CFAP43: variants seen among roughly 807,000 people sequenced by gnomAD.
The protein encoded by CFAP43 is cilia- and flagella-associated protein 43.
Under a neutral mutation model 218.9 loss-of-function variants are expected in CFAP43, and 155 were observed. That is an observed-to-expected ratio of 0.71 (90% CI 0.62 to 0.81). CFAP43 has a LOEUF of 0.81. CFAP43 is among the 30% of genes least tolerant of loss of function. The pLI is 0.00. For synonymous variants in CFAP43, 645 were observed against 681.3 expected (o/e 0.95, Z 0.83); for missense variants, 1,778 against 1,954.3 (o/e 0.91, Z 1.70).
At chr10:104,147,821 G>A (rs372709540) in intron 29 of CFAP43, 70 bp downstream of exon 29, 2 of 1,077,222 alleles carry the variant, frequency 1.9e-6, no homozygotes, top group South Asian at 3.3e-5. Context: ...CTAGACACGT[G>A]AGCTCTTGCT....
At chr10:104,216,600 C>G (rs577541683) in intron 3 of CFAP43, among the ~76,000 whole-genome samples, 1 of 152,142 alleles carries the variant, frequency 6.6e-6, no homozygotes, top group Non-Finnish European at 1.5e-5. Flanking sequence ...AAGCTTCAAT[C>G]GATGGGATAC....
rs920565978 is a variant in CFAP43, at chr10:104,162,905, T to C, written c.3247-502A>G. On this transcript the variant is annotated intron_variant, in intron 24 of 37. Coordinates refer to ENST00000357060, the MANE Select transcript of CFAP43 (RefSeq NM_025145.7). ...CAAGGGGTGAGGCAGAGAAGGGACA[T>C]AGTAAGTTTGGCTTGCAGCAAGAGC... is the stretch of plus-strand genomic sequence containing the variant. Among the ~76,000 whole-genome samples the C allele has an allele frequency of 6.6e-5, 10 of 151,884 alleles. No homozygotes were observed. The East Asian group carries it at 1.2e-3, about 18-fold the overall frequency.
chr10:104,144,029 T>G (rs1346431966), intron 31 of CFAP43, among the ~76,000 whole-genome samples: 1 of 152,152 alleles, frequency 6.6e-6, no homozygotes, highest in Non-Finnish European at 1.5e-5. Flanking sequence ...TTATCTACAT[T>G]AATAGATTAG....
chr10:104,193,909 C>T lies in CFAP43; in HGVS notation c.1399G>A (p.Val467Met), dbSNP rs112822128. Residue 467 changes from valine to methionine, a missense_variant, in exon 11 of 38, where the codon GTG becomes ATG. Val to Met is a conservative substitution (Grantham distance 21). This residue lies in a region of CFAP43 where 1,553 missense variants were observed against 1,685.2 expected (regional missense o/e 0.92). Coordinates refer to ENST00000357060, the MANE Select transcript of CFAP43 (RefSeq NM_025145.7). Reference protein sequence around the residue: ...SVYDKESPQVVHKAFLSESSV... With the variant: ...SVYDKESPQVMHKAFLSESSV... ...GATTCCGAGAGAAAGGCCTTGTGCA[C>T]GACCTGAGGGGATTCCTTATCATAT... 22 of 1,614,108 alleles carry T rather than the reference C, an allele frequency of 1.4e-5. No individual in the cohort carries two copies. Among genetic ancestry groups the T allele is most frequent in the African/African-American group, 1.2e-4 (9 of 75,022 alleles).
chr10:104,218,676 T>C, intron 3 of CFAP43: 1 of 466,434 alleles, frequency 2.1e-6, no homozygotes, highest in Admixed American at 2.6e-5. Context: ...AGGTAGTCCC[T>C]GGGTCAGGCA....
rs559513393 is a variant in CFAP43, at chr10:104,166,858, A to G, written c.2809-140T>C. 23 of 705,566 alleles carry G rather than the reference A, an allele frequency of 3.3e-5. No individual in the cohort carries two copies. The African/African-American group carries it at 3.8e-4, about 12-fold the overall frequency. 43.7% of individuals were successfully genotyped at this position (705,566 alleles called of 1,614,324 possible). On this transcript the variant is annotated intron_variant, in intron 22 of 37. Transcript: ENST00000357060. ...CCAACAACTGAATTCGAAGTGATGA[A>G]TAGATCCCAGAACTGCTGCAGAAGA...
rs1021102403 is a variant in CFAP43, at chr10:104,188,396, T to C, written c.1561A>G (p.Ile521Val). Reference sequence around the variant, plus strand: ...AGAGACACTGTGGATATCTGTAAAATGTCTTTGGCCACCTCTGAAAGCAAA... The same window carrying C: ...AGAGACACTGTGGATATCTGTAAAACGTCTTTGGCCACCTCTGAAAGCAAA... ...IIGFTEVAKD[I>V]LQISTVSLLE... Residue 521 changes from isoleucine to valine, a missense_variant, in exon 13 of 38, where the codon ATT (isoleucine) becomes GTT (valine). Ile to Val is a conservative substitution (Grantham distance 29). Around this residue, in one of 3 missense-constraint regions of CFAP43, gnomAD observed 1,553 missense variants for 1,685.2 expected, o/e 0.92. Transcript: ENST00000357060. 5.3e-5 allele frequency: 85 copies of C among 1,613,750 alleles called. No homozygotes were observed. The highest frequency in any genetic ancestry group is 6.7e-5 in the African/African-American group (5 of 74,936).
At position 104,142,294 on chromosome 10, in the gene CFAP43, G is replaced by A. The variant is rs1339288674; in HGVS notation, c.4258C>T (p.His1420Tyr). 3 of 1,612,574 alleles carry A rather than the reference G, an allele frequency of 1.9e-6. No homozygotes were observed. In the African/African-American group the frequency reaches 4.0e-5, roughly 22 times the overall value. Residue 1420 changes from histidine (H) to tyrosine (Y), a missense_variant, in exon 33 of 38, where the codon CAT (histidine) becomes TAT (tyrosine). By Grantham distance (83) the His-to-Tyr change is moderately conservative. Around this residue, in one of 3 missense-constraint regions of CFAP43, gnomAD observed 1,553 missense variants for 1,685.2 expected, o/e 0.92. Transcript: ENST00000357060. ...GCTTCAAATTACAGGATGAGTTCATGGAACACTCTCTCAATCTCCTGTTGC... is the reference window on the plus strand; with the variant it reads ...GCTTCAAATTACAGGATGAGTTCATAGAACACTCTCTCAATCTCCTGTTGC... ...KVQQEIERVFHELILLQEEKV... is the reference protein window; with the variant it reads ...KVQQEIERVFYELILLQEEKV...
At position 104,182,446 on chromosome 10, in the gene CFAP43, T is replaced by C. The variant is rs746608738; in HGVS notation, c.2209A>G (p.Ser737Gly). 2.5e-6 allele frequency: 4 copies of C among 1,612,872 alleles called. No individual in the cohort carries two copies. The highest frequency in any genetic ancestry group is 3.4e-6 in the Non-Finnish European group (4 of 1,179,574). ...YYQKLLISLS[S>G]AMDKENHYLS... The stretch of plus-strand genomic sequence containing the variant: ...TAATGATTCTCCTTGTCCATGGCGC[T>C]GCTCAGGGAAATTAATAGTTTCTGG... The change falls in exon 17 of 38, where the codon AGC becomes GGC. Residue 737 changes from serine to glycine, a missense_variant. Physicochemically the swap from Ser to Gly is moderately conservative, Grantham distance 56 (BLOSUM62 0). Coordinates refer to ENST00000357060, the MANE Select transcript of CFAP43 (RefSeq NM_025145.7).
chr10:104,192,388 T>C lies in CFAP43; in HGVS notation c.1443-86A>G, dbSNP rs184373550. 1.6e-4 allele frequency: 159 copies of C among 994,852 alleles called. 1 individual carries two copies. In the East Asian group the frequency reaches 3.9e-3, roughly 24 times the overall value. The allele number at this position is 994,852 out of a possible 1,614,324, so 61.6% of individuals were successfully genotyped here. On this transcript the variant is annotated intron_variant, in intron 11 of 37. Transcript: ENST00000357060. ...AGTTTATTGAATGGCCACAGAGATA[T>C]GTTCAAAGCCAGTCATTTTTACGGT...
chr10:104,144,962 C>T (rs551570820), intron 31 of CFAP43, among the ~76,000 whole-genome samples: 6 of 152,280 alleles, frequency 3.9e-5, no homozygotes, highest in East Asian at 1.9e-4. Flanking sequence ...GTTTGGAAAA[C>T]GCTGCTTACT....
At chr10:104,225,143 C>T (rs1005029822) in intron 3 of CFAP43, among the ~76,000 whole-genome samples, 4 of 152,026 alleles carry the variant, frequency 2.6e-5, no homozygotes, top group African/African-American at 9.7e-5. Context: ...AGGAAACATA[C>T]GAACAACTCC....
At position 104,186,598 on chromosome 10, in the gene CFAP43, A is replaced by G. The variant is rs78079940; in HGVS notation, c.1861-475T>C. Among the ~76,000 whole-genome samples, 698 of 152,250 alleles carry G rather than the reference A, an allele frequency of 4.6e-3. 18 individuals carry two copies. The East Asian group carries it at 0.061, about 13-fold the overall frequency. On this transcript the variant is annotated intron_variant, in intron 14 of 37. Transcript: ENST00000357060. ...TATGAGCGCTGCCCACCAAAATTGTATGCAATATCTCTCCATGTCTAAATC... is the reference window on the plus strand; with the variant it reads ...TATGAGCGCTGCCCACCAAAATTGTGTGCAATATCTCTCCATGTCTAAATC...
chr10:104,130,382 A>G (rs2087123283), intron 37 of CFAP43, 77 bp from the exon 38 acceptor site: 1 of 1,511,064 alleles, frequency 6.6e-7, no homozygotes, highest in Non-Finnish European at 8.9e-7. Flanking sequence ...AGAATCATAC[A>G]TGTGGAAGAA....
At chr10:104,176,977 AAAG>A (rs1316978198) in intron 19 of CFAP43, among the ~76,000 whole-genome samples, 2 of 152,342 alleles carry the variant, frequency 1.3e-5, no homozygotes, top group Non-Finnish European at 1.5e-5. Context: ...GGAAATAGGC[AAAG>A]AATATAAACA....
At chr10:104,221,831 G>C (rs7899212) in intron 3 of CFAP43, among the ~76,000 whole-genome samples, 29 of 151,916 alleles carry the variant, frequency 1.9e-4, no homozygotes, top group Non-Finnish European at 2.4e-4. Context: ...GTTGCTGCAG[G>C]GGGGAGGCAG....
At chr10:104,194,125 GTGT>G (rs1487660462) in intron 10 of CFAP43, 111 bp from the exon 11 acceptor site, 1 of 1,277,590 alleles carries the variant, frequency 7.8e-7, no homozygotes, top group Middle Eastern at 1.9e-4. Context: ...AAAGTGGCAA[GTGT>G]TGTGTGGTGG....
rs753071609 is a variant in CFAP43, at chr10:104,147,974, C to T, written c.3685G>A (p.Ala1229Thr). ...TCTTCATCCAACAATAAAGAAAATG[C>T]AAGGTTACTTATTTTCAGTTCCTCC... ...NQEELKISNLAFSLLLDEELS... is the reference protein window; with the variant it reads ...NQEELKISNLTFSLLLDEELS... The change falls in exon 29 of 38, where the codon GCA (alanine) becomes ACA (threonine). Residue 1229 changes from alanine (A) to threonine (T), a missense_variant. Coordinates refer to ENST00000357060, the MANE Select transcript of CFAP43 (RefSeq NM_025145.7). 3 of 1,589,776 alleles carry T rather than the reference C, an allele frequency of 1.9e-6. No homozygotes were observed. In the Admixed American group the frequency reaches 5.2e-5, roughly 28 times the overall value.
intron 22 of CFAP43, 124 bp downstream of exon 22, chr10:104,167,497 G>T (rs1294855219): frequency 1.6e-6 from 1 of 622,750 alleles, no homozygotes. Flanking sequence ...AAATTAACAA[G>T]AAATAAAAAT....
Sources: gnomAD v4.1 joint callset for allele counts (sites outside exome capture counted in the v4.1 genomes callset) on GRCh38, gnomAD v4.1.1 for gene constraint, gnomAD v4.1.1 regional missense constraint, MANE v1.5 for transcripts, NCBI Gene and HGNC (gene_info 2026-07-23, HGNC 2026-07-21) for gene names.